PLPP4: variants seen among roughly 807,000 people sequenced by gnomAD.
PLPP4 encodes the protein diacylglycerol pyrophosphate like 2.
In PLPP4, 20 loss-of-function variants were observed where a neutral mutation model predicts 32.2. The observed-to-expected ratio is 0.62, with a 90% CI of 0.44 to 0.90. The LOEUF is 0.90. Ranked by LOEUF, PLPP4 falls within the 40% of genes least tolerant of loss-of-function variation. The pLI is 0.00. For missense variants in PLPP4, 257 were observed against 353.1 expected (o/e 0.73, Z 2.18); for synonymous variants, 127 against 133.0 (o/e 0.95, Z 0.31).
chr10:120,536,733 G>A (rs1021990370), intron 5 of PLPP4, among the ~76,000 whole-genome samples: 2 of 149,028 alleles, frequency 1.3e-5, no homozygotes, highest in Admixed American at 1.3e-4. Flanking sequence ...TTTTTGCACA[G>A]TAAAGGAAAC....
chr10:120,571,093 CGTGTGTGTGTGTGTGTGTGTGTGTGTGT>C (rs60011757), intron 5 of PLPP4, among the ~76,000 whole-genome samples: 1 of 144,576 alleles, frequency 6.9e-6, no homozygotes, highest in Non-Finnish European at 1.5e-5. Flanking sequence ...AGTAAAGGGG[CGTGTGTGTGTGTGTGTGTGTGTGTGTGT>C]GTGTGTGTGT....
chr10:120,572,192 T>C (rs974856931), intron 5 of PLPP4, among the ~76,000 whole-genome samples: 1 of 152,200 alleles, frequency 6.6e-6, no homozygotes, highest in African/African-American at 2.4e-5. Context: ...AGAATACATT[T>C]TACCTACCCT....
chr10:120,577,093 A>G (rs956555067), intron 6 of PLPP4, among the ~76,000 whole-genome samples: 4 of 152,248 alleles, frequency 2.6e-5, no homozygotes, highest in African/African-American at 7.2e-5. Flanking sequence ...GAAATTTACT[A>G]CACACATGCA....
At chr10:120,589,168 C>G in intron 6 of PLPP4, 135 bp from the exon 7 acceptor site, 7 of 769,510 alleles carry the variant, frequency 9.1e-6, no homozygotes. Flanking sequence ...TGGTTTCTTT[C>G]CTTTAGTCTT....
chr10:120,486,238 A>G (rs965115826), intron 1 of PLPP4, among the ~76,000 whole-genome samples: 3 of 146,758 alleles, frequency 2.0e-5, no homozygotes, highest in Admixed American at 6.9e-5. Flanking sequence ...CATCTGTGAG[A>G]GGCTTTCCTC....
At chr10:120,578,920 T>A (rs890704472) in intron 6 of PLPP4, among the ~76,000 whole-genome samples, 3 of 152,228 alleles carry the variant, frequency 2.0e-5, no homozygotes, top group African/African-American at 7.2e-5. Context: ...AGGCTTATCT[T>A]TGTGATTAAC....
At chr10:120,573,381 ATCGCT>A (rs1314724482) in intron 5 of PLPP4, among the ~76,000 whole-genome samples, 3 of 152,198 alleles carry the variant, frequency 2.0e-5, no homozygotes, top group Non-Finnish European at 4.4e-5. Context: ...TGTAACCGAG[ATCGCT>A]TTTAAGAAGG....
chr10:120,476,794 A>T (rs1843940179), intron 1 of PLPP4, among the ~76,000 whole-genome samples: 1 of 152,200 alleles, frequency 6.6e-6, no homozygotes, highest in South Asian at 2.1e-4. Flanking sequence ...TGGGGTTCTC[A>T]GGGCACAAAT....
intron 5 of PLPP4, among the ~76,000 whole-genome samples, chr10:120,569,142 G>A (rs1848816847): frequency 1.3e-5 from 2 of 152,052 alleles, no homozygotes; most frequent in Non-Finnish European, 1.5e-5. Flanking sequence ...AGGAGGCTGA[G>A]GCAGGAGAAT....
chr10:120,561,360 T>C (rs1031398100), intron 5 of PLPP4, among the ~76,000 whole-genome samples: 60 of 152,308 alleles, frequency 3.9e-4, no homozygotes, highest in African/African-American at 1.3e-3. Flanking sequence ...TCCATATGGA[T>C]ACCGGCACCA....
At chr10:120,521,157 G>A (rs1338065057) in intron 5 of PLPP4, 62 bp downstream of exon 5, 5 of 1,587,016 alleles carry the variant, frequency 3.2e-6, no homozygotes, top group Non-Finnish European at 4.3e-6. Context: ...ACTGTCTTTG[G>A]GAATTTAGGT....
intron 1 of PLPP4, among the ~76,000 whole-genome samples, chr10:120,459,975 AC>A (rs991266615): frequency 1.3e-5 from 2 of 152,248 alleles, no homozygotes; most frequent in African/African-American, 2.4e-5. Flanking sequence ...TAGACTAGGC[AC>A]AGTGCTGAGG....
intron 1 of PLPP4, among the ~76,000 whole-genome samples, chr10:120,461,505 G>C (rs1337553014): frequency 1.3e-5 from 2 of 152,060 alleles, no homozygotes; most frequent in Admixed American, 1.3e-4. Flanking sequence ...TGTCATTTCT[G>C]GTGGCTCTCT....
intron 3 of PLPP4, among the ~76,000 whole-genome samples, chr10:120,518,191 C>T (rs1294436000): frequency 1.3e-5 from 2 of 152,202 alleles, no homozygotes; most frequent in Non-Finnish European, 2.9e-5. Flanking sequence ...GAGAAAGTCC[C>T]TGTGCTCTGT....
chr10:120,550,847 C>A (rs936817996), intron 5 of PLPP4, among the ~76,000 whole-genome samples: 23 of 151,788 alleles, frequency 1.5e-4, no homozygotes, highest in Non-Finnish European at 2.9e-4. Context: ...ACAAAGATTT[C>A]TTTAGGAGAA....
chr10:120,504,852 T>A (rs746610319), intron 2 of PLPP4, among the ~76,000 whole-genome samples: 4 of 152,216 alleles, frequency 2.6e-5, no homozygotes, highest in Non-Finnish European at 4.4e-5. Context: ...AGCTGGTCAG[T>A]TTTTGGCCAC....
intron 1 of PLPP4, among the ~76,000 whole-genome samples, chr10:120,469,952 G>C (rs947116145): frequency 1.7e-4 from 26 of 152,230 alleles, no homozygotes; most frequent in African/African-American, 6.3e-4. Context: ...GTACATTGTA[G>C]TGCACCTGTT....
At chr10:120,587,729 T>A (rs1412809360) in intron 6 of PLPP4, among the ~76,000 whole-genome samples, 1 of 152,240 alleles carries the variant, frequency 6.6e-6, no homozygotes, top group African/African-American at 2.4e-5. Context: ...TTGAGCAGCT[T>A]GTTTTCTTGA....
chr10:120,576,893 G>A (rs1849247968), intron 6 of PLPP4, among the ~76,000 whole-genome samples: 1 of 152,212 alleles, frequency 6.6e-6, no homozygotes, highest in African/African-American at 2.4e-5. Context: ...CCGCAGAATT[G>A]TTTCCCACCT....
Sources: allele counts gnomAD v4.1 joint callset (sites outside exome capture counted in the v4.1 genomes callset), GRCh38; gene constraint gnomAD v4.1.1; transcripts MANE v1.5; gene names NCBI Gene and HGNC (gene_info 2026-07-23, HGNC 2026-07-21).